The following TWSG1 variants were observed in gnomAD, a reference collection of about 807,000 sequenced individuals.
TWSG1 encodes twisted gastrulation protein homolog 1.
A neutral mutation model predicts 23.0 loss-of-function variants in TWSG1; 15 were observed. The observed-to-expected ratio is 0.65, with a 90% CI of 0.44 to 1.00. TWSG1 has a LOEUF of 1.00. Ranked by LOEUF, TWSG1 falls within the 50% of genes least tolerant of loss-of-function variation. The pLI is 0.00. For synonymous variants in TWSG1, 86 were observed against 92.8 expected (o/e 0.93, Z 0.42); for missense variants, 242 against 278.7 (o/e 0.87, Z 0.94).
chr18:9,381,561 A>G lies in TWSG1; in HGVS notation c.224-14719A>G, dbSNP rs148962735. ...GTATTATGTTAAGTTTTGCAAAAAT[A>G]TAGAAAAGAAAGCCATCTAGCATCT... On this transcript the variant is annotated intron_variant, in intron 3 of 4. Transcript: ENST00000262120. Among the ~76,000 whole-genome samples the G allele has an allele frequency of 1.9e-3, 282 of 152,364 alleles. 1 individual carries two copies. Among genetic ancestry groups the G allele is most frequent in the African/African-American group, 6.1e-3 (255 of 41,578 alleles).
intron 3 of TWSG1, among the ~76,000 whole-genome samples, chr18:9,372,131 A>C (rs2040608528): frequency 1.4e-5 from 2 of 145,140 alleles, no homozygotes; most frequent in East Asian, 4.0e-4. Context: ...CAATGTATTT[A>C]ATTATGTGTG....
At position 9,359,984 on chromosome 18, in the gene TWSG1, T is replaced by A. The variant is rs2040544878; in HGVS notation, c.136T>A (p.Cys46Ser). 6.2e-7 allele frequency: 1 copy of A among 1,613,276 alleles called. No homozygotes were observed. The highest frequency in any genetic ancestry group is 1.3e-5 in the African/African-American group (1 of 74,914). Residue 46 changes from cysteine (C) to serine (S), a missense_variant, in exon 3 of 5, where the codon TGC becomes AGC. Cys to Ser is a moderately radical substitution (Grantham distance 112, BLOSUM62 -1). Coordinates refer to ENST00000262120, the MANE Select transcript of TWSG1 (RefSeq NM_020648.6). ...GTCTTGTTTCTAGGAGCTCTGCCAG[T>A]GCCGGCCGGGAGAAGGCAATTGCTC... ...SKCLIQELCQ[C>S]RPGEGNCSCC...
At chr18:9,349,296 A>T (rs1357718941) in intron 2 of TWSG1, among the ~76,000 whole-genome samples, 3 of 151,856 alleles carry the variant, frequency 2.0e-5, no homozygotes, top group African/African-American at 7.3e-5. Flanking sequence ...GAGTGGAAAA[A>T]CTCCTATATT....
intron 3 of TWSG1, among the ~76,000 whole-genome samples, chr18:9,391,692 A>T (rs1201940603): frequency 6.6e-6 from 1 of 152,230 alleles, no homozygotes; most frequent in Non-Finnish European, 1.5e-5. Context: ...CCAAAATGTG[A>T]CACAGAGACA....
At chr18:9,373,717 A>G (rs886949607) in intron 3 of TWSG1, among the ~76,000 whole-genome samples, 2 of 152,230 alleles carry the variant, frequency 1.3e-5, no homozygotes, top group Non-Finnish European at 2.9e-5. Flanking sequence ...TCTATTGACT[A>G]TTTCATTCCA....
chr18:9,363,656 T>G (rs2040563386), intron 3 of TWSG1, among the ~76,000 whole-genome samples: 1 of 152,202 alleles, frequency 6.6e-6, no homozygotes, highest in African/African-American at 2.4e-5. Flanking sequence ...GGCAGAGTTT[T>G]GCTCTCTCGC....
At chr18:9,383,938 A>T (rs1313869199) in intron 3 of TWSG1, among the ~76,000 whole-genome samples, 1 of 152,202 alleles carries the variant, frequency 6.6e-6, no homozygotes, top group East Asian at 1.9e-4. Context: ...GTATACAAAG[A>T]TAATAGCCAA....
At chr18:9,388,828 T>C (rs9959183) in intron 3 of TWSG1, among the ~76,000 whole-genome samples, 72,215 of 152,022 alleles carry the variant, frequency 0.48, 18,164 homozygotes, top group East Asian at 0.71. Context: ...TGACTGGGAC[T>C]ACAGATGTGT....
intron 3 of TWSG1, 62 bp from the exon 4 acceptor site, chr18:9,396,218 T>TA: frequency 7.3e-7 from 1 of 1,363,500 alleles, no homozygotes; most frequent in Non-Finnish European, 1.0e-6. Flanking sequence ...AATTTTAATG[T>TA]GTTATAGCTC....
At chr18:9,395,678 G>A (rs1455369863) in intron 3 of TWSG1, among the ~76,000 whole-genome samples, 4 of 152,038 alleles carry the variant, frequency 2.6e-5, no homozygotes, top group Non-Finnish European at 4.4e-5. Context: ...AAATCCTCCC[G>A]CCTCAGCCTC....
intron 3 of TWSG1, among the ~76,000 whole-genome samples, chr18:9,374,493 G>C (rs556201095): frequency 6.6e-6 from 1 of 152,212 alleles, no homozygotes; most frequent in South Asian, 2.1e-4. Flanking sequence ...AAATTCACAC[G>C]AGACTTCAAA....
chr18:9,391,501 A>AC (rs2040712690), intron 3 of TWSG1, among the ~76,000 whole-genome samples: 1 of 152,228 alleles, frequency 6.6e-6, no homozygotes, highest in Non-Finnish European at 1.5e-5. Context: ...TATGGCAGCT[A>AC]TAACCTTACA....
chr18:9,399,789 G>T lies in TWSG1; in HGVS notation c.*262G>T. The T allele has an allele frequency of 3.6e-6, 1 of 280,448 alleles. No individual in the cohort carries two copies. Among genetic ancestry groups the T allele is most frequent in the Non-Finnish European group, 6.6e-6 (1 of 152,016 alleles). 17.4% of individuals were successfully genotyped at this position (280,448 alleles called of 1,614,324 possible). A position where few individuals can be genotyped will look rare whatever the true frequency, so the allele number is the denominator to read the frequency against. On this transcript the variant is annotated 3_prime_UTR_variant, in exon 5 of 5. Transcript: ENST00000262120. ...TGGTCATATGAGAAGCAGGTGCGCA[G>T]AGAATTCCTTGAAAGATCTGAGGTT...
At chr18:9,393,403 C>A (rs2040721090) in intron 3 of TWSG1, among the ~76,000 whole-genome samples, 1 of 152,232 alleles carries the variant, frequency 6.6e-6, no homozygotes, top group Non-Finnish European at 1.5e-5. Flanking sequence ...CCTCTCTGAT[C>A]CACTTGGTGT....
intron 3 of TWSG1, among the ~76,000 whole-genome samples, chr18:9,370,094 C>T (rs55640809): frequency 6.6e-5 from 10 of 152,110 alleles, no homozygotes; most frequent in East Asian, 3.9e-4. Context: ...CTGAGGTGGG[C>T]GGATCATGAG....
chr18:9,361,978 AG>A (rs1263808472), intron 3 of TWSG1, among the ~76,000 whole-genome samples: 1 of 152,156 alleles, frequency 6.6e-6, no homozygotes, highest in Non-Finnish European at 1.5e-5. Flanking sequence ...TTTAGCTCTT[AG>A]GTTCTCCACA....
At chr18:9,349,014 G>A (rs113410152) in intron 2 of TWSG1, among the ~76,000 whole-genome samples, 115 of 152,186 alleles carry the variant, frequency 7.6e-4, no homozygotes, top group African/African-American at 2.7e-3. Flanking sequence ...CCTAAAGGTG[G>A]TCCCTATATA....
intron 2 of TWSG1, among the ~76,000 whole-genome samples, chr18:9,340,316 C>T (rs1255239802): frequency 3.2e-5 from 4 of 124,996 alleles, no homozygotes; most frequent in Non-Finnish European, 1.6e-5. Context: ...TGCAGTGAGC[C>T]AAGATCATGC....
At chr18:9,337,465 G>A in intron 2 of TWSG1, 113 bp downstream of exon 2, 3 of 1,016,664 alleles carry the variant, frequency 3.0e-6, no homozygotes, top group Non-Finnish European at 4.2e-6. Context: ...TGAGTATTGG[G>A]TCAGGGCCTG....
Sources: allele counts gnomAD v4.1 joint callset (sites outside exome capture counted in the v4.1 genomes callset), GRCh38; gene constraint gnomAD v4.1.1; transcripts MANE v1.5; gene names NCBI Gene and HGNC (gene_info 2026-07-23, HGNC 2026-07-21).